Variants in CCSER1 observed in about 807,000 individuals in gnomAD.
The protein encoded by CCSER1 is serine-rich coiled-coil domain-containing protein 1.
CCSER1 carries 41 observed loss-of-function variants against 82.0 expected under a neutral mutation model. That is an observed-to-expected ratio of 0.50 (90% CI 0.39 to 0.65). CCSER1 has a LOEUF of 0.65. Ranked by LOEUF, CCSER1 falls within the 30% of genes least tolerant of loss-of-function variation. CCSER1 has a pLI of 0.00. For missense variants in CCSER1, 1,119 were observed against 1,064.2 expected, an observed-to-expected ratio of 1.05 and a Z score of -0.72; for synonymous variants, 414 against 383.9, an observed-to-expected ratio of 1.08 and a Z score of -0.92.
intron 8 of CCSER1, among the ~76,000 whole-genome samples, chr4:90,868,560 TC>T: frequency 6.6e-6 from 1 of 152,188 alleles, no homozygotes; most frequent in Admixed American, 6.6e-5. Flanking sequence ...TGATTAGTAC[TC>T]ATTGTGTGTG....
intron 6 of CCSER1, among the ~76,000 whole-genome samples, chr4:90,632,027 G>A (rs1243627733): frequency 6.6e-6 from 1 of 152,028 alleles, no homozygotes; most frequent in Non-Finnish European, 1.5e-5. Flanking sequence ...TAGAGAAGGG[G>A]TACTCGACCT....
At chr4:91,085,741 G>T (rs761026922) in intron 9 of CCSER1, among the ~76,000 whole-genome samples, 13 of 151,598 alleles carry the variant, frequency 8.6e-5, no homozygotes, top group Non-Finnish European at 1.8e-4. Flanking sequence ...TGTAGGGGTC[G>T]GCAGGAAATG....
chr4:90,672,885 G>GAC (rs1733073495), intron 6 of CCSER1, among the ~76,000 whole-genome samples: 1 of 152,002 alleles, frequency 6.6e-6, no homozygotes, highest in African/African-American at 2.4e-5. Flanking sequence ...GGAGGAATCA[G>GAC]ACACACACAA....
At chr4:90,860,066 A>G (rs2092508436) in intron 8 of CCSER1, among the ~76,000 whole-genome samples, 1 of 151,732 alleles carries the variant, frequency 6.6e-6, no homozygotes, top group Non-Finnish European at 1.5e-5. Context: ...GAAAGTGAAG[A>G]CAACCAATAC....
chr4:91,547,727 T>C (rs1410406098), intron 10 of CCSER1, among the ~76,000 whole-genome samples: 1 of 152,194 alleles, frequency 6.6e-6, no homozygotes, highest in African/African-American at 2.4e-5. Flanking sequence ...TTCTATTTTA[T>C]ATTTGTTGCT....
chr4:90,409,022 G>C (rs999494947), intron 4 of CCSER1, among the ~76,000 whole-genome samples: 1 of 152,270 alleles, frequency 6.6e-6, no homozygotes, highest in East Asian at 1.9e-4. Flanking sequence ...CTGGAAGAAA[G>C]GGTATCAGTG....
chr4:90,583,367 T>C (rs1781635836), intron 5 of CCSER1, among the ~76,000 whole-genome samples: 1 of 152,100 alleles, frequency 6.6e-6, no homozygotes, highest in Non-Finnish European at 1.5e-5. Flanking sequence ...GGTTTCACCA[T>C]GTTGGTCAGG....
chr4:91,322,227 C>G (rs1394254492), intron 10 of CCSER1, among the ~76,000 whole-genome samples: 1 of 152,004 alleles, frequency 6.6e-6, no homozygotes, highest in Admixed American at 6.6e-5. Flanking sequence ...TTTTTATATT[C>G]TTTAAGAATC....
At chr4:90,797,170 G>C (rs369594135) in intron 7 of CCSER1, among the ~76,000 whole-genome samples, 1 of 152,096 alleles carries the variant, frequency 6.6e-6, no homozygotes, top group East Asian at 1.9e-4. Context: ...GTACTCCTAT[G>C]TTGGGTGCAT....
intron 3 of CCSER1, among the ~76,000 whole-genome samples, chr4:90,319,731 T>C (rs1013258635): frequency 6.6e-6 from 1 of 152,226 alleles, no homozygotes; most frequent in African/African-American, 2.4e-5. Flanking sequence ...CTTTCCAGTA[T>C]GTAAAAATGT....
intron 10 of CCSER1, among the ~76,000 whole-genome samples, chr4:91,242,390 T>G (rs1739443161): frequency 6.6e-6 from 1 of 152,208 alleles, no homozygotes; most frequent in Non-Finnish European, 1.5e-5. Flanking sequence ...AACACTAAAA[T>G]GACTCAAGTT....
At chr4:90,481,850 TGCCA>T (rs1474032310) in intron 5 of CCSER1, among the ~76,000 whole-genome samples, 1 of 152,188 alleles carries the variant, frequency 6.6e-6, no homozygotes, top group East Asian at 1.9e-4. Context: ...GTTGCATCTC[TGCCA>T]GGCTTTGGTA....
At chr4:90,984,339 G>A (rs1288960632) in intron 9 of CCSER1, among the ~76,000 whole-genome samples, 1 of 151,770 alleles carries the variant, frequency 6.6e-6, no homozygotes, top group Non-Finnish European at 1.5e-5. Flanking sequence ...AGAGAACTTG[G>A]ATTGGCTTAA....
intron 5 of CCSER1, among the ~76,000 whole-genome samples, chr4:90,581,005 C>A (rs1321443942): frequency 6.6e-6 from 1 of 151,998 alleles, no homozygotes; most frequent in African/African-American, 2.4e-5. Flanking sequence ...GAAAATAATT[C>A]CAAAATATTT....
At chr4:90,811,965 T>TACACATATATATATATATATATATAA (rs1561180431) in intron 7 of CCSER1, among the ~76,000 whole-genome samples, 25 of 118,812 alleles carry the variant, frequency 2.1e-4, no homozygotes, top group African/African-American at 7.4e-4. Context: ...CACATATATA[T>TACACATATATATATATATATATATAA]ACACATATAT....
intron 5 of CCSER1, among the ~76,000 whole-genome samples, chr4:90,609,219 A>G (rs1489201905): frequency 2.0e-5 from 3 of 152,142 alleles, no homozygotes; most frequent in Non-Finnish European, 4.4e-5. Flanking sequence ...GTGAATAGAA[A>G]TCAGACATAG....
chr4:90,671,863 G>A (rs1456727996), intron 6 of CCSER1, among the ~76,000 whole-genome samples: 1 of 152,128 alleles, frequency 6.6e-6, no homozygotes, highest in Middle Eastern at 3.4e-3. Context: ...CAGAAGATAT[G>A]TTGTATTAGA....
chr4:91,254,963 A>G (rs528400551), intron 10 of CCSER1, among the ~76,000 whole-genome samples: 2 of 152,114 alleles, frequency 1.3e-5, no homozygotes, highest in South Asian at 2.1e-4. Context: ...TATCTCTATG[A>G]TTTTTACTAC....
In CCSER1 at chr4:91,536,509, A is replaced by G. The variant is rs1051349082; in HGVS notation, c.2218-62063A>G. On this transcript the variant is annotated intron_variant, in intron 10 of 10. Transcript: ENST00000509176. ...AGGAATTTGAATTATATTGACTGAT[A>G]AATGAACTCCCTTCCCCTCCAACTT... Among the ~76,000 whole-genome samples, 18 of 152,212 alleles carry G rather than the reference A, an allele frequency of 1.2e-4. No homozygotes were observed. In the South Asian group the frequency reaches 2.7e-3, roughly 23 times the overall value.
Sources: gnomAD v4.1 joint callset for allele counts (sites outside exome capture counted in the v4.1 genomes callset) on GRCh38, gnomAD v4.1.1 for gene constraint, MANE v1.5 for transcripts, NCBI Gene and HGNC (gene_info 2026-07-23, HGNC 2026-07-21) for gene names.